Variants in MROH1 observed in about 807,000 individuals in gnomAD.
MROH1 encodes maestro heat like repeat family member 1.
In MROH1, 117 loss-of-function variants were observed where a neutral mutation model predicts 116.5. The observed-to-expected ratio is 1.00, with a 90% CI of 0.86 to 1.17. The LOEUF (loss-of-function observed/expected upper bound fraction) is 1.17. Among genes scored for constraint, MROH1 ranks in the 50% most tolerant of loss-of-function variants. MROH1 has a pLI of 0.00. For missense variants in MROH1, 1,873 were observed against 1,338.5 expected, an observed-to-expected ratio of 1.40 and a Z score of -6.23; for synonymous variants, 921 against 583.9, an observed-to-expected ratio of 1.58 and a Z score of -8.32.
chr8:144,229,262 A>C (rs943242076), intron 14 of MROH1, among the ~76,000 whole-genome samples: 6 of 152,196 alleles, frequency 3.9e-5, no homozygotes, highest in African/African-American at 1.4e-4. Context: ...CATGAATCAC[A>C]AATGCTCTTC....
intron 4 of MROH1, among the ~76,000 whole-genome samples, chr8:144,171,550 C>T (rs1207146598): frequency 1.3e-5 from 2 of 152,156 alleles, no homozygotes; most frequent in Admixed American, 6.6e-5. Flanking sequence ...GGCCATATAC[C>T]GGTTAAACAC....
At chr8:144,190,686 G>T (rs1288276040) in intron 7 of MROH1, 98 bp from the exon 8 acceptor site, 17 of 1,454,828 alleles carry the variant, frequency 1.2e-5, no homozygotes, top group East Asian at 2.3e-5. Context: ...CATCTTGCAG[G>T]CCGTGGGATT....
Position 144,223,194 on chromosome 8 carries a change from C to T in MROH1, c.1302C>T (p.Tyr434=), listed in dbSNP as rs1276770482. 2 of 1,610,980 alleles carry T rather than the reference C, an allele frequency of 1.2e-6. No homozygotes were observed. The highest frequency in any genetic ancestry group is 2.2e-5 in the East Asian group (1 of 44,826). The stretch of plus-strand genomic sequence containing the variant: ...CTGGAGGTGAGGCGATGATCGAGTA[C>T]ATCGTGCAGCAGTGCGCGCTGCCCC... The part of the protein sequence containing the change: ...EQPGGEAMIE[Y]IVQQCALPPE... Residue 434 remains tyrosine (Y), a synonymous_variant, in exon 14 of 44, where the codon TAC becomes TAT. Coordinates refer to ENST00000326134, the MANE Select transcript of MROH1 (RefSeq NM_032450.3).
chr8:144,168,479 C>T (rs1309135054), intron 4 of MROH1, 39 bp downstream of exon 4: 2 of 1,567,936 alleles, frequency 1.3e-6, no homozygotes, highest in East Asian at 4.5e-5. Flanking sequence ...TTGTCAGGGC[C>T]ATGGTCGGTT....
At chr8:144,239,447 C>T in intron 17 of MROH1, 84 bp downstream of exon 17, 1 of 777,498 alleles carries the variant, frequency 1.3e-6, no homozygotes, top group Non-Finnish European at 2.4e-6. Flanking sequence ...GTTACCTTCT[C>T]AGTGGGCAGC....
chr8:144,152,713 A>G (rs1416502161), intron 1 of MROH1, among the ~76,000 whole-genome samples: 1 of 151,718 alleles, frequency 6.6e-6, no homozygotes, highest in East Asian at 1.9e-4. Flanking sequence ...CACCCGGCTA[A>G]TTTTTTGTAT....
At position 144,247,596 on chromosome 8, in the gene MROH1, G is replaced by T; in HGVS notation, c.3037G>T (p.Ala1013Ser). 3.9e-6 allele frequency: 3 copies of T among 773,476 alleles called. No individual in the cohort carries two copies. The highest frequency in any genetic ancestry group is 7.2e-6 in the Non-Finnish European group (3 of 417,236). 47.9% of individuals were successfully genotyped at this position (773,476 alleles called of 1,614,324 possible). Reference sequence around the variant, plus strand: ...CTCCCGGGACTACCGCGATGACGTGGCGGAGCGGCTCCTCAGCCTCAAGGA... The same window carrying T: ...CTCCCGGGACTACCGCGATGACGTGTCGGAGCGGCTCCTCAGCCTCAAGGA... ...GFSRDYRDDVAERLLSLKDGL... is the reference protein window; with the variant it reads ...GFSRDYRDDVSERLLSLKDGL... The change falls in exon 31 of 44, where the codon GCG becomes TCG. Residue 1013 changes from alanine (A) to serine (S), a missense_variant. Transcript: ENST00000326134.
chr8:144,157,672 T>A (rs1818476751), intron 1 of MROH1, among the ~76,000 whole-genome samples: 1 of 149,588 alleles, frequency 6.7e-6, no homozygotes, highest in Non-Finnish European at 1.5e-5. Flanking sequence ...TTTCTTTCTT[T>A]CTTTCTTTTT....
At chr8:144,252,332 T>G (rs1396740025) in intron 33 of MROH1, 2 of 152,400 alleles carry the variant, frequency 1.3e-5, no homozygotes, top group Non-Finnish European at 2.9e-5. Flanking sequence ...GCGACCAGCC[T>G]GGCCAACATG....
In MROH1 at chr8:144,245,257, C is replaced by T. The variant is rs1468399304; in HGVS notation, c.2868C>T (p.Val956=). Residue 956 remains valine (V), a synonymous_variant, in exon 29 of 44, where the codon GTC becomes GTT. Coordinates refer to ENST00000326134, the MANE Select transcript of MROH1 (RefSeq NM_032450.3). ...LLRYFLEHLR[V]SALVPFHNLG... is the part of the protein sequence containing the mutation. The stretch of plus-strand genomic sequence containing the variant: ...GCTACTTCCTGGAGCACCTGCGTGT[C>T]AGCGTGAGTACCTGGGTCCCTGGCC... 1.0e-5 allele frequency: 8 copies of T among 777,500 alleles called. No homozygotes were observed. The African/African-American group carries it at 1.4e-4, about 13-fold the overall frequency. The allele number at this position is 777,500 out of a possible 1,614,324, so 48.2% of individuals were successfully genotyped here. A position where few individuals can be genotyped will look rare whatever the true frequency, so the allele number is the denominator to read the frequency against.
At chr8:144,151,808 C>CG (rs1275045285) in intron 1 of MROH1, among the ~76,000 whole-genome samples, 3 of 152,202 alleles carry the variant, frequency 2.0e-5, no homozygotes, top group Non-Finnish European at 4.4e-5. Context: ...GTTTGGGCAG[C>CG]GGGGCACTGA....
intron 12 of MROH1, among the ~76,000 whole-genome samples, chr8:144,207,938 T>TTTAA (rs1833204293): frequency 6.6e-6 from 1 of 151,790 alleles, no homozygotes; most frequent in Admixed American, 6.6e-5. Flanking sequence ...TGTGTTTTTT[T>TTTAA]TTAATTACTT....
chr8:144,215,919 G>T (rs1299549647), intron 12 of MROH1, among the ~76,000 whole-genome samples: 2 of 151,462 alleles, frequency 1.3e-5, no homozygotes, highest in Admixed American at 6.6e-5. Flanking sequence ...GGGTGCGGTG[G>T]CTCACGCCTG....
rs1381771434 is a variant in MROH1, at chr8:144,168,470, T to C, written c.168+30T>C. The C allele has an allele frequency of 1.9e-6, 3 of 1,577,876 alleles. No homozygotes were observed. The African/African-American group carries it at 4.0e-5, about 21-fold the overall frequency. ...GTGTGCTCCTTGGTGGGGATGATGT[T>C]GTCAGGGCCATGGTCGGTTGGGGCT... On this transcript the variant is annotated intron_variant, in intron 4 of 43. Transcript: ENST00000326134.
At position 144,250,370 on chromosome 8, in the gene MROH1, C is replaced by T. The variant is rs1367160462; in HGVS notation, c.3428+4C>T. ...GCAGCCCCTTGCCCTTGGACAGGTACCCAGCTCAGACTCCAGGCTTAGGGG... is the reference window on the plus strand; with the variant it reads ...GCAGCCCCTTGCCCTTGGACAGGTATCCAGCTCAGACTCCAGGCTTAGGGG... On this transcript the variant is annotated splice_donor_region_variant and intron_variant, in intron 33 of 43. Coordinates refer to ENST00000326134, the MANE Select transcript of MROH1 (RefSeq NM_032450.3). 2.6e-6 allele frequency: 2 copies of T among 760,812 alleles called. No individual in the cohort carries two copies. The allele number at this position is 760,812 out of a possible 1,614,324, so 47.1% of individuals were successfully genotyped here.
rs527839264 is a variant in MROH1 at position 144,190,851 on chromosome 8, G to A, written c.630G>A (p.Thr210=). ...LANLDRAPDP[T]VRKDAFATDI... ...ACCTGGACCGAGCCCCAGACCCCAC[G>A]GTCAGGAAGGACGCCTTTGCCACCG... The change falls in exon 8 of 44, where the codon ACG becomes ACA. Residue 210 remains threonine, a synonymous_variant. Transcript: ENST00000326134. The A allele has an allele frequency of 1.4e-5, 23 of 1,613,672 alleles. No individual in the cohort carries two copies. In the South Asian group the frequency reaches 1.9e-4, roughly 13 times the overall value.
intron 12 of MROH1, among the ~76,000 whole-genome samples, chr8:144,211,970 C>A (rs545644845): frequency 1.3e-5 from 2 of 152,286 alleles, no homozygotes; most frequent in South Asian, 4.1e-4. Context: ...TGGTCTTTGG[C>A]AGCTCATGTT....
At chr8:144,235,215 C>T (rs1461973205) in intron 14 of MROH1, among the ~76,000 whole-genome samples, 2 of 152,110 alleles carry the variant, frequency 1.3e-5, no homozygotes, top group Admixed American at 1.3e-4. Context: ...TCTTTCATAT[C>T]GATCTTGTAT....
rs750176845 is a variant in MROH1, at chr8:144,191,707, CCT to C, written c.715-4_715-3del. On this transcript the variant is annotated splice_polypyrimidine_tract_variant and splice_region_variant and intron_variant, in intron 8 of 43. Coordinates refer to ENST00000326134, the MANE Select transcript of MROH1 (RefSeq NM_032450.3). Reference sequence around the variant, plus strand: ...AGCGTAAGCTTCCCGCCCACTGTCCCCTCTCAGCTCCGTCTTGCCGTGGTGGA... The same window carrying C: ...AGCGTAAGCTTCCCGCCCACTGTCCCCTCAGCTCCGTCTTGCCGTGGTGGA... The C allele has an allele frequency of 1.9e-5, 30 of 1,612,096 alleles. No homozygotes were observed. The highest frequency in any genetic ancestry group is 2.5e-5 in the Non-Finnish European group (30 of 1,179,560).
Sources: allele counts gnomAD v4.1 joint callset (sites outside exome capture counted in the v4.1 genomes callset), GRCh38; gene constraint gnomAD v4.1.1; transcripts MANE v1.5; gene names NCBI Gene and HGNC (gene_info 2026-07-23, HGNC 2026-07-21).